The following FOXO3 variants were observed in gnomAD, a reference collection of about 807,000 sequenced individuals.
The protein encoded by FOXO3 is forkhead box protein O3.
In FOXO3, 4 loss-of-function variants were observed where a neutral mutation model predicts 41.9. That is an observed-to-expected ratio of 0.10 (90% CI 0.05 to 0.22). FOXO3 has a LOEUF of 0.22. Among genes scored for constraint, FOXO3 ranks in the 10% least tolerant of loss-of-function variants. The probability of loss-of-function intolerance (pLI) is 1.00; values close to 1 mark genes in which losing one functional copy is unlikely to be tolerated. For missense variants in FOXO3, 534 were observed against 906.8 expected (o/e 0.59, Z 5.28); for synonymous variants, 318 against 389.3 (o/e 0.82, Z 2.16).
At chr6:108,660,608 T>G (rs1335639431) in intron 1 of FOXO3, among the ~76,000 whole-genome samples, 1 of 152,256 alleles carries the variant, frequency 6.6e-6, no homozygotes, top group Non-Finnish European at 1.5e-5. Flanking sequence ...GGCTCATGCC[T>G]GTAATCCCAG....
intron 1 of FOXO3, among the ~76,000 whole-genome samples, chr6:108,616,401 T>C (rs1777515745): frequency 6.6e-6 from 1 of 151,996 alleles, no homozygotes; most frequent in Non-Finnish European, 1.5e-5. Flanking sequence ...GACCTTGTGA[T>C]CCACCCGCCT....
At chr6:108,571,598 T>C (rs768286213) in intron 1 of FOXO3, among the ~76,000 whole-genome samples, 1 of 152,074 alleles carries the variant, frequency 6.6e-6, no homozygotes, top group Non-Finnish European at 1.5e-5. Context: ...GGGACAAATA[T>C]TAGAGTGATG....
intron 2 of FOXO3, among the ~76,000 whole-genome samples, chr6:108,669,468 T>C (rs1779153262): frequency 6.6e-6 from 1 of 152,200 alleles, no homozygotes; most frequent in Non-Finnish European, 1.5e-5. Context: ...ATCTGATAAA[T>C]ATGAATCTGT....
At chr6:108,575,204 C>T (rs1776230207) in intron 1 of FOXO3, among the ~76,000 whole-genome samples, 1 of 152,092 alleles carries the variant, frequency 6.6e-6, no homozygotes, top group Non-Finnish European at 1.5e-5. Flanking sequence ...CACAAAACTA[C>T]TTTTTTCCTG....
At chr6:108,562,908 A>G (rs1775855010) in intron 1 of FOXO3, among the ~76,000 whole-genome samples, 1 of 152,194 alleles carries the variant, frequency 6.6e-6, no homozygotes, top group Non-Finnish European at 1.5e-5. Flanking sequence ...CCCCCAAGAC[A>G]GTGTGTGTCA....
At chr6:108,644,859 A>G (rs530534159) in intron 1 of FOXO3, among the ~76,000 whole-genome samples, 1 of 152,028 alleles carries the variant, frequency 6.6e-6, no homozygotes, top group African/African-American at 2.4e-5. Context: ...ACTTTTCACA[A>G]TTTGTAATTA....
rs779887975 is a variant in FOXO3, at chr6:108,664,172, C to G, written c.1339C>G (p.Pro447Ala). The G allele has an allele frequency of 1.9e-6, 3 of 1,613,792 alleles. No homozygotes were observed. Among genetic ancestry groups the G allele is most frequent in the East Asian group, 4.5e-5 (2 of 44,858 alleles). The change falls in exon 2 of 3, where the codon CCC (proline) becomes GCC (alanine). Residue 447 changes from proline to alanine, a missense_variant. Pro to Ala is a conservative substitution (Grantham distance 27, BLOSUM62 -1). Coordinates refer to ENST00000406360, the MANE Select transcript of FOXO3 (RefSeq NM_001455.4). Reference sequence around the variant, plus strand: ...ATCTCTGAACTCCCTACGCCAGTCTCCCATGCAGACCATCCAAGAGAACAA... The same window carrying G: ...ATCTCTGAACTCCCTACGCCAGTCTGCCATGCAGACCATCCAAGAGAACAA... ...PSSLNSLRQS[P>A]MQTIQENKPA...
At position 108,611,823 on chromosome 6, in the gene FOXO3, C is replaced by T. The variant is rs542767865; in HGVS notation, c.621+49994C>T. On this transcript the variant is annotated intron_variant, in intron 1 of 2. Transcript: ENST00000406360. ...TTTTCTTGTTTGTGGATTGCTTATT[C>T]ATTTTGTTAACAGTGTCCTAACAAC... Among the ~76,000 whole-genome samples, 15 of 151,414 alleles carry T rather than the reference C, an allele frequency of 9.9e-5. No individual in the cohort carries two copies. In the South Asian group the frequency reaches 3.1e-3, roughly 32 times the overall value.
At chr6:108,562,573 C>T (rs1029364924) in intron 1 of FOXO3, among the ~76,000 whole-genome samples, 1 of 152,084 alleles carries the variant, frequency 6.6e-6, no homozygotes, top group African/African-American at 2.4e-5. Context: ...CCGCCGAGGC[C>T]TGGATTCAGG....
chr6:108,560,188 G>T (rs1266681133), upstream of FOXO3, among the ~76,000 whole-genome samples: 1 of 152,210 alleles, frequency 6.6e-6, no homozygotes, highest in East Asian at 1.9e-4. Flanking sequence ...CAAGATGGCA[G>T]CAGCGGGAGC....
intron 1 of FOXO3, among the ~76,000 whole-genome samples, chr6:108,622,931 GAA>G (rs534351537): frequency 1.6e-4 from 17 of 107,716 alleles, no homozygotes; most frequent in South Asian, 3.2e-4. Context: ...GGGCCTTTTA[GAA>G]AAAAAAAAAA....
At chr6:108,572,926 C>T (rs1776146492) in intron 1 of FOXO3, among the ~76,000 whole-genome samples, 1 of 152,062 alleles carries the variant, frequency 6.6e-6, no homozygotes, top group Admixed American at 6.6e-5. Context: ...TTGGGAGCAT[C>T]TGCCTTTTCT....
At chr6:108,634,645 A>G (rs1778068683) in intron 1 of FOXO3, among the ~76,000 whole-genome samples, 1 of 151,896 alleles carries the variant, frequency 6.6e-6, no homozygotes, top group Non-Finnish European at 1.5e-5. Context: ...CACGTATGGG[A>G]TTTGTTTCAG....
chr6:108,636,700 A>G (rs1369512019), intron 1 of FOXO3, among the ~76,000 whole-genome samples: 2 of 152,174 alleles, frequency 1.3e-5, no homozygotes, highest in Non-Finnish European at 2.9e-5. Flanking sequence ...GATGAGGATC[A>G]GAGAATAAGG....
chr6:108,588,355 CTG>C (rs997129282), intron 1 of FOXO3, among the ~76,000 whole-genome samples: 2 of 151,656 alleles, frequency 1.3e-5, no homozygotes, highest in African/African-American at 4.8e-5. Flanking sequence ...CAAAGCTAAA[CTG>C]TATGAAAAAT....
intron 1 of FOXO3, among the ~76,000 whole-genome samples, chr6:108,577,212 T>C (rs1439879996): frequency 2.1e-5 from 3 of 141,298 alleles, no homozygotes; most frequent in African/African-American, 7.9e-5. Context: ...TAAAAAAAAA[T>C]AGTATACCTT....
chr6:108,637,276 A>G lies in FOXO3; in HGVS notation c.622-26179A>G, dbSNP rs192818506. On this transcript the variant is annotated intron_variant, in intron 1 of 2. Coordinates refer to ENST00000406360, the MANE Select transcript of FOXO3 (RefSeq NM_001455.4). ...TAAGTTTGATGAGCTCCTTGTGAAC[A>G]TGTGAATCAGTAGTTTCTCGAGGTG... Among the ~76,000 whole-genome samples, 750 of 152,270 alleles carry G rather than the reference A, an allele frequency of 4.9e-3. 2 individuals are homozygous for G. The highest frequency in any genetic ancestry group is 0.014 in the Middle Eastern group (4 of 294).
intron 1 of FOXO3, among the ~76,000 whole-genome samples, chr6:108,586,242 A>T (rs1776576891): frequency 1.3e-5 from 2 of 152,230 alleles, no homozygotes; most frequent in African/African-American, 4.8e-5. Flanking sequence ...CTTGAGTTTC[A>T]TAGCAGCTGG....
intron 1 of FOXO3, among the ~76,000 whole-genome samples, chr6:108,579,962 TAC>T (rs1459548241): frequency 6.6e-6 from 1 of 152,078 alleles, no homozygotes; most frequent in African/African-American, 2.4e-5. Flanking sequence ...GCTGCTGAAT[TAC>T]AGAGTTGAAG....
Sources: gnomAD v4.1 joint callset for allele counts (sites outside exome capture counted in the v4.1 genomes callset) on GRCh38, gnomAD v4.1.1 for gene constraint, MANE v1.5 for transcripts, NCBI Gene and HGNC (gene_info 2026-07-23, HGNC 2026-07-21) for gene names.